ZNG1B: variants seen among roughly 807,000 people sequenced by gnomAD.
The protein encoded by ZNG1B is zinc-regulated GTPase metalloprotein activator 1B.
chr2:113,438,328 C>T, the ZNG1B span, among the ~76,000 whole-genome samples: 1 of 152,146 alleles, frequency 6.6e-6, no homozygotes, highest in Admixed American at 6.5e-5. Context: ...AGTTATCTTA[C>T]CTTCCTGACG....
chr2:113,449,986 G>A, the ZNG1B span, among the ~76,000 whole-genome samples: 10 of 148,792 alleles, frequency 6.7e-5, no homozygotes, highest in African/African-American at 2.5e-4. Context: ...GAACTTTGTG[G>A]TCACTGTTTT....
the ZNG1B span, among the ~76,000 whole-genome samples, chr2:113,464,062 A>G: frequency 2.7e-5 from 4 of 145,668 alleles, no homozygotes; most frequent in Non-Finnish European, 6.1e-5. Context: ...TGACTTTTAT[A>G]TCCTTATAGA....
chr2:113,476,034 C>T, the ZNG1B span, among the ~76,000 whole-genome samples: 1 of 151,970 alleles, frequency 6.6e-6, no homozygotes, highest in Non-Finnish European at 1.5e-5. Flanking sequence ...TGAACGTTGG[C>T]CTGCCTTGCT....
chr2:113,477,111 C>T, the ZNG1B span, among the ~76,000 whole-genome samples: 1 of 152,248 alleles, frequency 6.6e-6, no homozygotes, highest in South Asian at 2.1e-4. Context: ...GCGCCCCTCC[C>T]CCAGCCTCGC....
chr2:113,488,160 G>A, the ZNG1B span, among the ~76,000 whole-genome samples: 1 of 152,094 alleles, frequency 6.6e-6, no homozygotes, highest in Admixed American at 6.6e-5. Flanking sequence ...ATCCACAGCT[G>A]AGAGACCCAC....
chr2:113,472,516 T>G, the ZNG1B span, among the ~76,000 whole-genome samples: 1 of 151,952 alleles, frequency 6.6e-6, no homozygotes, highest in Admixed American at 6.6e-5. Context: ...AATTTTGGCT[T>G]TTGTTGCCAT....
chr2:113,472,409 C>T, the ZNG1B span, among the ~76,000 whole-genome samples: 568 of 151,544 alleles, frequency 3.7e-3, 7 homozygotes, highest in African/African-American at 0.013. Context: ...GAGTAGGTTG[C>T]GAAAATTTTC....
At chr2:113,448,173 A>C in the ZNG1B span, among the ~76,000 whole-genome samples, 1 of 151,968 alleles carries the variant, frequency 6.6e-6, no homozygotes, top group South Asian at 2.1e-4. Context: ...CTCCTTGATC[A>C]GTGGGCTGCA....
At chr2:113,450,372 CTTTT>C in the ZNG1B span, among the ~76,000 whole-genome samples, 5 of 147,812 alleles carry the variant, frequency 3.4e-5, no homozygotes, top group South Asian at 2.2e-4. Context: ...TGAAGCCTTT[CTTTT>C]TGTCAATAAT....
the ZNG1B span, among the ~76,000 whole-genome samples, chr2:113,458,590 T>C: frequency 7.8e-6 from 1 of 128,896 alleles, no homozygotes; most frequent in Admixed American, 8.3e-5. Flanking sequence ...TTTGGAGAGG[T>C]AAATGCATTT....
the ZNG1B span, among the ~76,000 whole-genome samples, chr2:113,454,278 A>G: frequency 6.6e-6 from 1 of 152,156 alleles, no homozygotes; most frequent in Non-Finnish European, 1.5e-5. Context: ...ATTTGATGAG[A>G]GATGTTAGGA....
the ZNG1B span, among the ~76,000 whole-genome samples, chr2:113,485,257 G>A: frequency 1.5e-5 from 2 of 136,920 alleles, no homozygotes; most frequent in Non-Finnish European, 3.1e-5. Context: ...TCTTATAGAT[G>A]AGTAGGTCTC....
At chr2:113,439,442 G>A in the ZNG1B span, among the ~76,000 whole-genome samples, 1 of 152,050 alleles carries the variant, frequency 6.6e-6, no homozygotes, top group South Asian at 2.1e-4. Context: ...TCCTGCTTCT[G>A]TGATCCCAAC....
At chr2:113,475,645 G>A in the ZNG1B span, among the ~76,000 whole-genome samples, 3 of 151,978 alleles carry the variant, frequency 2.0e-5, no homozygotes, top group East Asian at 1.9e-4. Context: ...TCCTTTCCAC[G>A]TTTAGTGCTT....
At chr2:113,485,157 TGGTAGGATTTTTTTGAC>T in the ZNG1B span, among the ~76,000 whole-genome samples, 4 of 145,574 alleles carry the variant, frequency 2.7e-5, no homozygotes, top group South Asian at 6.7e-4. Context: ...AACCTTGAAC[TGGTAGGATTTTTTTGAC>T]GGTAGGATTT....
chr2:113,490,048 C>T, the ZNG1B span, among the ~76,000 whole-genome samples: 253 of 148,650 alleles, frequency 1.7e-3, 1 homozygote, highest in Non-Finnish European at 3.0e-3. Context: ...CATCCAACAA[C>T]CACAGAATAT....
the ZNG1B span, among the ~76,000 whole-genome samples, chr2:113,445,805 T>A: frequency 1.3e-5 from 2 of 149,708 alleles, no homozygotes; most frequent in African/African-American, 4.9e-5. Context: ...TATTTTTTTT[T>A]TTTTTTTTGA....
chr2:113,475,060 C>T, the ZNG1B span, among the ~76,000 whole-genome samples: 4 of 147,316 alleles, frequency 2.7e-5, no homozygotes, highest in African/African-American at 7.6e-5. Context: ...CTTTCTGTCT[C>T]ATTGATCTGT....
At chr2:113,461,429 T>A in the ZNG1B span, among the ~76,000 whole-genome samples, 1 of 151,900 alleles carries the variant, frequency 6.6e-6, no homozygotes, top group Non-Finnish European at 1.5e-5. Context: ...AATATGGTTA[T>A]TATAGAAAAT....
Sources: gnomAD v4.1 joint callset for allele counts (sites outside exome capture counted in the v4.1 genomes callset) on GRCh38, gnomAD v4.1.1 for gene constraint, MANE v1.5 for transcripts, NCBI Gene and HGNC (gene_info 2026-07-23, HGNC 2026-07-21) for gene names.